GLRA2: variants seen among roughly 807,000 people sequenced by gnomAD.
GLRA2 encodes the protein glycine receptor alpha 2, also known as glycine receptor subunit alpha-2.
A neutral mutation model predicts 31.6 loss-of-function variants in GLRA2; 11 were observed. The observed-to-expected ratio is 0.35, with a 90% CI of 0.22 to 0.58. The LOEUF (loss-of-function observed/expected upper bound fraction) is 0.58. Among genes scored for constraint, GLRA2 ranks in the 20% least tolerant of loss-of-function variants. The pLI is 0.84. For missense variants in GLRA2, 212 were observed against 351.8 expected (o/e 0.60, Z 3.18); for synonymous variants, 132 against 134.0 (o/e 0.99, Z 0.10).
At chrX:14,525,235 C>T (rs948770662), upstream of GLRA2, among the ~76,000 whole-genome samples, 4 of 111,367 alleles carry the variant, frequency 3.6e-5, no homozygotes, top group African/African-American at 1.3e-4. Flanking sequence ...CTTTTCATTT[C>T]TCTTGTAAAA....
chrX:14,609,350 G>C (rs1324348688), intron 7 of GLRA2, 145 bp downstream of exon 7: 12 of 396,790 alleles, frequency 3.0e-5, no homozygotes, highest in Middle Eastern at 6.7e-4. Context: ...AGCTGAGTTT[G>C]AGAGAATCAG....
Position 14,727,942 on chromosome X carries a change from C to T in GLRA2, c.1081-2265C>T, listed in dbSNP as rs181326143. Among the ~76,000 whole-genome samples, 260 of 112,061 alleles carry T rather than the reference C, an allele frequency of 2.3e-3. 1 individual carries two copies. The highest frequency in any genetic ancestry group is 0.014 in the Middle Eastern group (3 of 216). On this transcript the variant is annotated intron_variant, in intron 8 of 8. Transcript: ENST00000218075. The stretch of plus-strand genomic sequence containing the variant: ...AGTACAATGCTTGTCACAGAGGCAA[C>T]ACTCAACAATTAATGGTTGAATTAA...
At chrX:14,475,010 G>T in the GLRA2 span, among the ~76,000 whole-genome samples, 1 of 111,668 alleles carries the variant, frequency 9.0e-6, no homozygotes, top group Non-Finnish European at 1.9e-5. Flanking sequence ...TCATGGCACT[G>T]GTCTGAAGCT....
At chrX:14,648,134 C>A (rs948764721) in intron 7 of GLRA2, among the ~76,000 whole-genome samples, 1 of 111,920 alleles carries the variant, frequency 8.9e-6, no homozygotes, top group African/African-American at 3.2e-5. Flanking sequence ...TAATTGTATT[C>A]CTTTGTTTAT....
intron 7 of GLRA2, among the ~76,000 whole-genome samples, chrX:14,654,963 C>G (rs1192516950): frequency 9.0e-6 from 1 of 111,021 alleles, no homozygotes; most frequent in South Asian, 3.9e-4. Context: ...ACCACGAGAA[C>G]AGTATGGGGG....
intron 7 of GLRA2, among the ~76,000 whole-genome samples, chrX:14,621,571 T>G (rs936043984): frequency 9.1e-6 from 1 of 110,078 alleles, no homozygotes; most frequent in African/African-American, 3.3e-5. Context: ...TGTCCAAGTG[T>G]TCTCATTGTT....
chrX:14,474,788 C>T, the GLRA2 span, among the ~76,000 whole-genome samples: 141 of 110,650 alleles, frequency 1.3e-3, no homozygotes, highest in African/African-American at 4.5e-3. Context: ...ATCTGGCTAA[C>T]TTGCACAGTA....
chrX:14,623,361 C>T (rs2090545908), intron 7 of GLRA2, among the ~76,000 whole-genome samples: 1 of 111,210 alleles, frequency 9.0e-6, no homozygotes, highest in Admixed American at 9.6e-5. Context: ...TGCCTGATTG[C>T]CCTAGCCAGA....
chrX:14,473,412 G>A, the GLRA2 span, among the ~76,000 whole-genome samples: 1 of 111,938 alleles, frequency 8.9e-6, no homozygotes, highest in Admixed American at 9.5e-5. Flanking sequence ...TTAGGAATCT[G>A]ATGAAAACAA....
At chrX:14,559,983 C>G (rs903956229) in intron 2 of GLRA2, among the ~76,000 whole-genome samples, 4 of 111,566 alleles carry the variant, frequency 3.6e-5, no homozygotes, top group African/African-American at 1.3e-4. Context: ...TCATGGGCAT[C>G]AAAGCACCAT....
At chrX:14,681,775 C>A (rs2091204530) in intron 7 of GLRA2, among the ~76,000 whole-genome samples, 2 of 101,730 alleles carry the variant, frequency 2.0e-5, no homozygotes, top group Admixed American at 2.2e-4. Flanking sequence ...GCCTGTAATC[C>A]CAGTTACTCG....
At chrX:14,493,693 GTATATA>G in the GLRA2 span, among the ~76,000 whole-genome samples, 1 of 72,257 alleles carries the variant, frequency 1.4e-5, no homozygotes, top group Non-Finnish European at 2.3e-5. Flanking sequence ...ACATATACAC[GTATATA>G]TGTATACACA....
chrX:14,621,609 T>C (rs1298070280), intron 7 of GLRA2, among the ~76,000 whole-genome samples: 3 of 110,324 alleles, frequency 2.7e-5, no homozygotes, highest in East Asian at 2.9e-4. Flanking sequence ...TGAGAACATG[T>C]GGTGTTTGGT....
chrX:14,720,287 C>A (rs746024731), intron 8 of GLRA2, among the ~76,000 whole-genome samples: 62 of 111,442 alleles, frequency 5.6e-4, no homozygotes, highest in Non-Finnish European at 9.0e-4. Context: ...TGAAATACCA[C>A]CCTTACCTCA....
chrX:14,593,745 G>A (rs2090169644), intron 4 of GLRA2, among the ~76,000 whole-genome samples: 1 of 112,921 alleles, frequency 8.9e-6, no homozygotes, highest in Non-Finnish European at 1.9e-5. Context: ...GGATAAAAGG[G>A]AGGAAGTAAG....
intron 7 of GLRA2, among the ~76,000 whole-genome samples, chrX:14,619,365 C>A (rs2090490175): frequency 9.0e-6 from 1 of 111,078 alleles, no homozygotes; most frequent in Non-Finnish European, 1.9e-5. Context: ...GAGCAAAAGC[C>A]AGTGTCCTCA....
At chrX:14,718,012 T>A (rs1207035732) in intron 8 of GLRA2, among the ~76,000 whole-genome samples, 3 of 111,152 alleles carry the variant, frequency 2.7e-5, no homozygotes, top group Non-Finnish European at 3.8e-5. Context: ...TGCTAATGTA[T>A]CATTACTGAG....
chrX:14,712,246 A>G (rs970368653), intron 8 of GLRA2, among the ~76,000 whole-genome samples: 1 of 112,376 alleles, frequency 8.9e-6, no homozygotes, highest in Non-Finnish European at 1.9e-5. Context: ...TGTCTTGTGC[A>G]TTGCAGGATG....
At chrX:14,653,935 G>C (rs2090914703) in intron 7 of GLRA2, among the ~76,000 whole-genome samples, 1 of 111,832 alleles carries the variant, frequency 8.9e-6, no homozygotes, top group Non-Finnish European at 1.9e-5. Context: ...GACAAGCCTG[G>C]GCAACATAGC....
Sources: allele counts gnomAD v4.1 joint callset (sites outside exome capture counted in the v4.1 genomes callset), GRCh38; gene constraint gnomAD v4.1.1; transcripts MANE v1.5; gene names NCBI Gene and HGNC (gene_info 2026-07-23, HGNC 2026-07-21).